Variants in ABCB5 observed in about 807,000 individuals in gnomAD.
ABCB5 encodes ATP binding cassette subfamily B member 5, also known as ATP-binding cassette sub-family B member 5.
In ABCB5, 155 loss-of-function variants were observed where a neutral mutation model predicts 144.2. The ratio of observed to expected loss-of-function variants is 1.08; its 90% CI spans 0.94 to 1.23. The LOEUF (loss-of-function observed/expected upper bound fraction) is 1.23, where lower values mean the gene tolerates loss of function less well. Ranked by LOEUF, ABCB5 falls within the 50% of genes most tolerant of loss-of-function variation. The pLI, the probability that ABCB5 is intolerant of heterozygous loss-of-function variation, is 0.00. For missense variants in ABCB5, 1,830 were observed against 1,520.8 expected (o/e 1.20, Z -3.38); for synonymous variants, 610 against 528.6 (o/e 1.15, Z -2.11).
At chr7:20,684,909 G>A (rs1319358049) in intron 15 of ABCB5, among the ~76,000 whole-genome samples, 1 of 152,160 alleles carries the variant, frequency 6.6e-6, no homozygotes, top group South Asian at 2.1e-4. Context: ...ACTTAGCTGG[G>A]CTTCTCATTT....
intron 23 of ABCB5, among the ~76,000 whole-genome samples, chr7:20,735,305 T>G (rs890502726): frequency 2.0e-5 from 3 of 152,202 alleles, no homozygotes; most frequent in African/African-American, 7.2e-5. Context: ...AATGTGATTA[T>G]TGGCCAAAAG....
At chr7:20,678,367 G>T (rs1785680680) in intron 14 of ABCB5, among the ~76,000 whole-genome samples, 2 of 152,184 alleles carry the variant, frequency 1.3e-5, no homozygotes, top group Non-Finnish European at 2.9e-5. Flanking sequence ...AAGAGACCTT[G>T]TGGAGAGAAG....
At chr7:20,642,154 A>T (rs1233762293) in intron 5 of ABCB5, among the ~76,000 whole-genome samples, 2 of 152,138 alleles carry the variant, frequency 1.3e-5, no homozygotes, top group African/African-American at 4.8e-5. Flanking sequence ...CCATGCTCAG[A>T]TCTTCCAAAG....
At chr7:20,724,772 T>G (rs989919990) in intron 21 of ABCB5, among the ~76,000 whole-genome samples, 1 of 152,138 alleles carries the variant, frequency 6.6e-6, no homozygotes, top group African/African-American at 2.4e-5. Context: ...ACAATTGGCA[T>G]AGCATAAATG....
At chr7:20,626,846 GT>G (rs1783920007) in intron 3 of ABCB5, among the ~76,000 whole-genome samples, 2 of 135,600 alleles carry the variant, frequency 1.5e-5, no homozygotes, top group Admixed American at 8.0e-5. Context: ...TTTTAAAAGT[GT>G]TTTTGGGGTG....
In ABCB5 at chr7:20,643,484, G is replaced by T. The variant is rs891481152; in HGVS notation, c.530G>T (p.Gly177Val). 3 of 1,614,010 alleles carry T rather than the reference G, an allele frequency of 1.9e-6. No homozygotes were observed. The highest frequency in any genetic ancestry group is 2.5e-6 in the Non-Finnish European group (3 of 1,179,890). Residue 177 changes from glycine to valine, a missense_variant, in exon 7 of 28, where the codon GGT (glycine) becomes GTT (valine). By Grantham distance (109) the Gly-to-Val change is moderately radical. Transcript: ENST00000404938. ...MTDDIDKISD[G>V]IGDKIALLFQ... is the part of the protein sequence containing the mutation. ...AGTGACATTGACAAAATCAGTGATG[G>T]TATTGGAGATAAGATTGCTCTGTTG...
rs779283800 is a variant in ABCB5 at position 20,628,829 on chromosome 7, A to T, written c.250A>T (p.Thr84Ser). 5 of 1,613,704 alleles carry T rather than the reference A, an allele frequency of 3.1e-6. No individual in the cohort carries two copies. The South Asian group carries it at 5.5e-5, about 18-fold the overall frequency. The change falls in exon 4 of 28, where the codon ACT (threonine) becomes TCT (serine). Residue 84 changes from threonine (T) to serine (S), a missense_variant. Physicochemically the swap from Thr to Ser is moderately conservative, Grantham distance 58 (BLOSUM62 1). Transcript: ENST00000404938. ...DNLISGCLVQ[T>S]NTTNYQNCTQ... Reference sequence around the variant, plus strand: ...CCTTATTAGTGGATGTCTAGTCCAAACTAACACAAGTGAGTATACGATTAT... The same window carrying T: ...CCTTATTAGTGGATGTCTAGTCCAATCTAACACAAGTGAGTATACGATTAT...
Position 20,648,022 on chromosome 7 carries a change from G to C in ABCB5, c.1150G>C (p.Gly384Arg), listed in dbSNP as rs1784464567. 2 of 1,612,030 alleles carry C rather than the reference G, an allele frequency of 1.2e-6. No individual in the cohort carries two copies. The highest frequency in any genetic ancestry group is 3.3e-5 in the Admixed American group (2 of 59,848). Reference sequence around the variant, plus strand: ...TGGATATAAACCTGAATCCATAGAAGGAACTGTGGAATTTAAAAATGTTTC... The same window carrying C: ...TGGATATAAACCTGAATCCATAGAACGAACTGTGGAATTTAAAAATGTTTC... ...TAGYKPESIE[G>R]TVEFKNVSFN... Residue 384 changes from glycine to arginine, a missense_variant, in exon 11 of 28, where the codon GGA becomes CGA. By Grantham distance (125) the Gly-to-Arg change is moderately radical. Transcript: ENST00000404938.
chr7:20,740,781 A>C (rs1242663505), intron 24 of ABCB5, among the ~76,000 whole-genome samples: 1 of 152,008 alleles, frequency 6.6e-6, no homozygotes, highest in East Asian at 1.9e-4. Context: ...TTAGTATGTA[A>C]ATGTTTCTGA....
At chr7:20,643,780 G>C (rs1017356632) in intron 7 of ABCB5, 148 bp downstream of exon 7, 17 of 876,390 alleles carry the variant, frequency 1.9e-5, no homozygotes, top group Non-Finnish European at 2.9e-5. Flanking sequence ...TTTTGATTTT[G>C]TTCACCATTA....
intron 1 of ABCB5, among the ~76,000 whole-genome samples, chr7:20,621,273 A>T (rs1319521208): frequency 6.6e-6 from 1 of 152,138 alleles, no homozygotes; most frequent in East Asian, 1.9e-4. Context: ...ATAGAATTTC[A>T]GTTTGTGATG....
At chr7:20,655,035 C>A in intron 13 of ABCB5, among the ~76,000 whole-genome samples, 1 of 143,060 alleles carries the variant, frequency 7.0e-6, no homozygotes. Flanking sequence ...AAAGCTGGTT[C>A]ACTGAAAAGA....
chr7:20,750,725 C>T (rs1468763654), intron 26 of ABCB5, among the ~76,000 whole-genome samples: 2 of 152,026 alleles, frequency 1.3e-5, no homozygotes, highest in East Asian at 1.9e-4. Flanking sequence ...CCAACGGTTT[C>T]GGTAAGGGAG....
At chr7:20,690,521 T>G (rs1377108024) in intron 16 of ABCB5, among the ~76,000 whole-genome samples, 1 of 152,208 alleles carries the variant, frequency 6.6e-6, no homozygotes, top group Non-Finnish European at 1.5e-5. Context: ...GAAGCACTGC[T>G]GCATTAGAGG....
chr7:20,738,906 T>C, intron 23 of ABCB5, 77 bp from the exon 24 acceptor site: 1 of 1,434,132 alleles, frequency 7.0e-7, no homozygotes. Context: ...GTGCCTGCTT[T>C]TTTCTTTACT....
chr7:20,676,337 G>A (rs1425310757), intron 14 of ABCB5, among the ~76,000 whole-genome samples: 4 of 150,766 alleles, frequency 2.7e-5, no homozygotes, highest in Non-Finnish European at 5.9e-5. Flanking sequence ...GCCAAGATAT[G>A]GAAACAACTT....
chr7:20,728,566 C>T, intron 23 of ABCB5, 111 bp downstream of exon 23: 3 of 1,249,456 alleles, frequency 2.4e-6, no homozygotes, highest in Non-Finnish European at 3.2e-6. Flanking sequence ...TCAGCCTGAC[C>T]AACATAATAA....
At chr7:20,705,912 A>G (rs1356613533) in intron 20 of ABCB5, among the ~76,000 whole-genome samples, 3 of 152,054 alleles carry the variant, frequency 2.0e-5, no homozygotes, top group African/African-American at 7.2e-5. Context: ...GTGAATATTC[A>G]CAAGCATTCA....
At chr7:20,685,067 T>A (rs764435570) in intron 15 of ABCB5, among the ~76,000 whole-genome samples, 26 of 152,178 alleles carry the variant, frequency 1.7e-4, no homozygotes, top group Non-Finnish European at 3.8e-4. Flanking sequence ...GCCAGGCTGG[T>A]CTGAAACTCC....
Sources: gnomAD v4.1 joint callset for allele counts (sites outside exome capture counted in the v4.1 genomes callset) on GRCh38, gnomAD v4.1.1 for gene constraint, MANE v1.5 for transcripts, NCBI Gene and HGNC (gene_info 2026-07-23, HGNC 2026-07-21) for gene names.